PCDHGA5: variants seen among roughly 807,000 people sequenced by gnomAD.
The protein encoded by PCDHGA5 is protocadherin gamma-A5.
A neutral mutation model predicts 56.7 loss-of-function variants in PCDHGA5; 36 were observed. The observed-to-expected ratio is 0.64, with a 90% confidence interval of 0.49 to 0.84. PCDHGA5 has a LOEUF of 0.84. PCDHGA5 is among the 40% of genes least tolerant of loss of function. The pLI, the probability that PCDHGA5 is intolerant of heterozygous loss-of-function variation, is 0.00. For synonymous variants in PCDHGA5, 563 were observed against 520.2 expected, an observed-to-expected ratio of 1.08 and a Z score of -1.12; for missense variants, 1,305 against 1,201.5, an observed-to-expected ratio of 1.09 and a Z score of -1.27.
chr5:141,422,117 C>A, intron 1 of PCDHGA5: 1 of 1,604,272 alleles, frequency 6.2e-7, no homozygotes, highest in East Asian at 2.2e-5. Context: ...CAATTGGATT[C>A]ACAAACTGGA....
intron 2 of PCDHGA5, among the ~76,000 whole-genome samples, chr5:141,498,394 A>G (rs1043900807): frequency 6.6e-6 from 1 of 152,096 alleles, no homozygotes; most frequent in Non-Finnish European, 1.5e-5. Flanking sequence ...AGGGAATGGC[A>G]GGGAGTTTTC....
chr5:141,448,912 T>C (rs1195715286), intron 1 of PCDHGA5, among the ~76,000 whole-genome samples: 1 of 152,152 alleles, frequency 6.6e-6, no homozygotes, highest in Non-Finnish European at 1.5e-5. Flanking sequence ...GCCACTGCAC[T>C]CCAGCCTGGG....
intron 3 of PCDHGA5, among the ~76,000 whole-genome samples, chr5:141,507,521 C>G (rs2099861196): frequency 6.6e-6 from 1 of 151,972 alleles, no homozygotes; most frequent in African/African-American, 2.4e-5. Flanking sequence ...GGCTATGATT[C>G]CAGAGAGGCC....
At chr5:141,484,889 TC>T (rs1312115219) in intron 1 of PCDHGA5, 2 of 362,958 alleles carry the variant, frequency 5.5e-6, no homozygotes, top group Admixed American at 8.9e-5. Flanking sequence ...GTGGGCTTTT[TC>T]CCCTCCAATG....
chr5:141,477,600 T>A lies in PCDHGA5; in HGVS notation c.2422-17207T>A, dbSNP rs746047124. The A allele has an allele frequency of 6.2e-6, 10 of 1,614,146 alleles. No homozygotes were observed. The highest frequency in any genetic ancestry group is 7.6e-6 in the Non-Finnish European group (9 of 1,180,026). ...CCGCAGAATGCTCGGCTTTCTTTCT[T>A]TCTCTTGGAGCAAGGAGCTGAAACC... On this transcript the variant is annotated intron_variant, in intron 1 of 3. Coordinates refer to ENST00000518069, the MANE Select transcript of PCDHGA5 (RefSeq NM_018918.3). This position sits in a 1 kb window ranked among gnomAD's most constrained non-coding sequence, Gnocchi z 4.9.
rs200356364 is a variant in PCDHGA5, at chr5:141,470,128, C to CA, written c.2422-24670dup. On this transcript the variant is annotated intron_variant, in intron 1 of 3. Transcript: ENST00000518069. ...TGAGCAACAGAGCAAGACTTCGTCT[C>CA]AAAAAAAAAGATCATAGATCATCTT... 4.0e-3 allele frequency among the ~76,000 whole-genome samples: 596 copies of CA among 150,150 alleles called. 6 individuals are homozygous for CA. The highest frequency in any genetic ancestry group is 0.011 in the Admixed American group (171 of 15,136).
intron 1 of PCDHGA5, chr5:141,399,280 G>T (rs750453381): frequency 6.2e-7 from 1 of 1,613,836 alleles, no homozygotes; most frequent in Non-Finnish European, 8.5e-7. Flanking sequence ...ATTACAAGGC[G>T]AAGTCCCTTT....
chr5:141,489,101 T>G lies in PCDHGA5; in HGVS notation c.2422-5706T>G. 1 of 398,408 alleles carries G rather than the reference T, an allele frequency of 2.5e-6. No homozygotes were observed. Among genetic ancestry groups the G allele is most frequent in the Non-Finnish European group, 4.5e-6 (1 of 223,328 alleles). The allele number at this position is 398,408 out of a possible 1,614,324, so 24.7% of individuals were successfully genotyped here. On this transcript the variant is annotated intron_variant, in intron 1 of 3. Transcript: ENST00000518069. The surrounding 1 kb of genome is among the most constrained non-coding windows in gnomAD (Gnocchi z 4.5). Reference sequence around the variant, plus strand: ...CCGCCACTCGGTGACTAAGAACTGCTGCAAGCAGGCAAACCTCCGAGCAGT... The same window carrying G: ...CCGCCACTCGGTGACTAAGAACTGCGGCAAGCAGGCAAACCTCCGAGCAGT...
intron 1 of PCDHGA5, chr5:141,399,810 C>T (rs148150333): frequency 3.9e-5 from 63 of 1,613,194 alleles, no homozygotes; most frequent in Non-Finnish European, 4.9e-5. Flanking sequence ...TGCTGTACCC[C>T]GCGCTGGGTC....
Position 141,372,509 on chromosome 5 carries a change from C to T in PCDHGA5, c.2421+5758C>T, listed in dbSNP as rs770630386. 11 of 1,614,056 alleles carry T rather than the reference C, an allele frequency of 6.8e-6. No homozygotes were observed. The South Asian group carries it at 9.9e-5, about 14-fold the overall frequency. On this transcript the variant is annotated intron_variant, in intron 1 of 3. Coordinates refer to ENST00000518069, the MANE Select transcript of PCDHGA5 (RefSeq NM_018918.3). Reference sequence around the variant, plus strand: ...CCTTGATCTCAGTGCTCTTCCTCCTCGCGGTGATTCTGGCAATCTCCCTGC... The same window carrying T: ...CCTTGATCTCAGTGCTCTTCCTCCTTGCGGTGATTCTGGCAATCTCCCTGC...
intron 1 of PCDHGA5, chr5:141,404,606 G>T: frequency 6.2e-7 from 1 of 1,614,106 alleles, no homozygotes; most frequent in Non-Finnish European, 8.5e-7. Flanking sequence ...GAGACTGTTT[G>T]TTTTGGACCA....
At chr5:141,499,557 C>G (rs972965979) in intron 2 of PCDHGA5, among the ~76,000 whole-genome samples, 1 of 152,192 alleles carries the variant, frequency 6.6e-6, no homozygotes, top group African/African-American at 2.4e-5. Context: ...TATGATACCA[C>G]TATCCAGCTT....
chr5:141,387,209 T>A lies in PCDHGA5; in HGVS notation c.2421+20458T>A, dbSNP rs911946032. Among the ~76,000 whole-genome samples, 3 of 152,170 alleles carry A rather than the reference T, an allele frequency of 2.0e-5. No individual in the cohort carries two copies. In the South Asian group the frequency reaches 6.2e-4, roughly 31 times the overall value. On this transcript the variant is annotated intron_variant, in intron 1 of 3. Coordinates refer to ENST00000518069, the MANE Select transcript of PCDHGA5 (RefSeq NM_018918.3). ...GGCAATTTTGGTATTACTGATACTC[T>A]CCGGAAAAAGTTGAAATAAATCAAC...
At chr5:141,417,538 A>G (rs2154547037) in intron 1 of PCDHGA5, 2 of 297,748 alleles carry the variant, frequency 6.7e-6, no homozygotes, top group East Asian at 6.0e-5. Flanking sequence ...AGTTTAAAAA[A>G]AATTCCTTGA....
chr5:141,478,767 C>T (rs953695562), intron 1 of PCDHGA5: 44 of 1,500,650 alleles, frequency 2.9e-5, no homozygotes, highest in Non-Finnish European at 3.9e-5. Context: ...ATACTTGACT[C>T]ATCTGTGGAC....
chr5:141,397,372 G>A (rs1014875277), intron 1 of PCDHGA5, among the ~76,000 whole-genome samples: 3 of 152,012 alleles, frequency 2.0e-5, no homozygotes, highest in Admixed American at 6.6e-5. Context: ...AGATGTTTGG[G>A]GATTGGTATA....
At chr5:141,422,871 G>C in intron 1 of PCDHGA5, 3 of 1,614,216 alleles carry the variant, frequency 1.9e-6, no homozygotes, top group South Asian at 1.1e-5. Flanking sequence ...GCAACGTGTC[G>C]CTGAGCCTGT....
chr5:141,469,128 T>C (rs567164869), intron 1 of PCDHGA5, among the ~76,000 whole-genome samples: 1 of 151,692 alleles, frequency 6.6e-6, no homozygotes, highest in East Asian at 1.9e-4. Context: ...ATTTAAAAAT[T>C]AGCCAGAAAT....
rs79201149 is a variant in PCDHGA5, at chr5:141,386,596, T to C, written c.2421+19845T>C. Among the ~76,000 whole-genome samples, 402 of 139,140 alleles carry C rather than the reference T, an allele frequency of 2.9e-3. 2 individuals are homozygous for C. Among genetic ancestry groups the C allele is most frequent in the Non-Finnish European group, 4.9e-3 (319 of 65,706 alleles). The allele number at this position is 139,140 out of a possible 152,430, so 91.3% of individuals were successfully genotyped here. A position where few individuals can be genotyped will look rare whatever the true frequency, so the allele number is the denominator to read the frequency against. Reference sequence around the variant, plus strand: ...TCTGTACAATAGTGTGGGGGATACATTTTTTTTTTTTGACATGGAGTCTCG... The same window carrying C: ...TCTGTACAATAGTGTGGGGGATACACTTTTTTTTTTTGACATGGAGTCTCG... On this transcript the variant is annotated intron_variant, in intron 1 of 3. Transcript: ENST00000518069.
Sources: gnomAD v4.1 joint callset for allele counts (sites outside exome capture counted in the v4.1 genomes callset) on GRCh38, gnomAD v4.1.1 for gene constraint, Gnocchi (gnomAD v3.1) non-coding constraint, MANE v1.5 for transcripts, NCBI Gene and HGNC (gene_info 2026-07-23, HGNC 2026-07-21) for gene names.